Variants in LCORL observed in about 807,000 individuals in gnomAD.
LCORL encodes the protein ligand-dependent nuclear receptor corepressor-like protein.
A neutral mutation model predicts 141.8 loss-of-function variants in LCORL; 41 were observed. That is an observed-to-expected ratio of 0.29 (90% CI 0.23 to 0.38). The LOEUF (loss-of-function observed/expected upper bound fraction) is 0.38. Ranked by LOEUF, LCORL falls within the 10% of genes least tolerant of loss-of-function variation. LCORL has a pLI of 1.00. For missense variants in LCORL, 1,759 were observed against 2,035.0 expected (o/e 0.86, Z 2.61); for synonymous variants, 618 against 694.1 (o/e 0.89, Z 1.72).
chr4:17,868,306 T>C (rs1186381575), intron 7 of LCORL, among the ~76,000 whole-genome samples: 1 of 152,120 alleles, frequency 6.6e-6, no homozygotes, highest in Admixed American at 6.6e-5. Context: ...TAGAAGAAGC[T>C]GACAAACTTT....
intron 7 of LCORL, among the ~76,000 whole-genome samples, chr4:17,850,614 A>G (rs2109098610): frequency 6.6e-6 from 1 of 152,256 alleles, no homozygotes; most frequent in Non-Finnish European, 1.5e-5. Flanking sequence ...CGATCATTAA[A>G]AAGTCAGGAA....
chr4:17,876,461 T>G, exon 7 of LCORL: 1 of 1,230,914 alleles, frequency 8.1e-7, no homozygotes, highest in Non-Finnish European at 1.0e-6. Flanking sequence ...CTATACTTAT[T>G]GTATCTTCCA....
intron 1 of LCORL, among the ~76,000 whole-genome samples, chr4:17,981,923 A>G (rs879755640): frequency 1.3e-5 from 2 of 152,030 alleles, no homozygotes; most frequent in Non-Finnish European, 2.9e-5. Context: ...AGCAGGTCCC[A>G]ATGTCTGTTG....
intron 6 of LCORL, chr4:17,883,670 G>A (rs773411696): frequency 2.0e-5 from 25 of 1,236,516 alleles, no homozygotes; most frequent in Middle Eastern, 2.7e-4. Flanking sequence ...ACACACACAC[G>A]CAAACACACA....
intron 1 of LCORL, among the ~76,000 whole-genome samples, chr4:17,986,715 C>G (rs950267104): frequency 6.6e-6 from 1 of 151,972 alleles, no homozygotes; most frequent in Non-Finnish European, 1.5e-5. Flanking sequence ...TTGCTGTTCT[C>G]CCGAATCTCA....
intron 4 of LCORL, chr4:17,960,165 A>G (rs2109590860): frequency 6.5e-6 from 1 of 154,414 alleles, no homozygotes; most frequent in East Asian, 1.9e-4. Flanking sequence ...TAAAGCAAAA[A>G]CACTAAGAAG....
intron 5 of LCORL, among the ~76,000 whole-genome samples, chr4:17,901,619 A>C (rs1730896057): frequency 6.6e-6 from 1 of 152,128 alleles, no homozygotes; most frequent in Admixed American, 6.6e-5. Context: ...CACTCAATAT[A>C]GCTGTAAGTG....
chr4:17,886,483 G>A (rs1476844456), intron 5 of LCORL, among the ~76,000 whole-genome samples: 1 of 152,024 alleles, frequency 6.6e-6, no homozygotes, highest in Non-Finnish European at 1.5e-5. Context: ...ATTCATGACT[G>A]TTTTCCATTC....
chr4:17,939,448 GC>G (rs1263804264), intron 4 of LCORL, among the ~76,000 whole-genome samples: 1 of 152,000 alleles, frequency 6.6e-6, no homozygotes, highest in Non-Finnish European at 1.5e-5. Flanking sequence ...CCATAACCCA[GC>G]AATTCTACTC....
chr4:17,959,858 A>C (rs566420237), intron 4 of LCORL, among the ~76,000 whole-genome samples: 8 of 152,270 alleles, frequency 5.3e-5, no homozygotes, highest in African/African-American at 1.9e-4. Flanking sequence ...ACGTCATAAT[A>C]CTACTCCAAA....
intron 4 of LCORL, among the ~76,000 whole-genome samples, chr4:17,936,446 C>A (rs1736878899): frequency 1.3e-5 from 2 of 151,564 alleles, no homozygotes; most frequent in African/African-American, 4.8e-5. Flanking sequence ...GCGTAGAACA[C>A]TGGTTTTCCC....
At chr4:17,874,802 T>C in exon 7 of LCORL, 1 of 1,233,868 alleles carries the variant, frequency 8.1e-7, no homozygotes, top group Non-Finnish European at 1.0e-6. Flanking sequence ...AACACTTTTT[T>C]GCATTCCGCG....
At chr4:17,938,106 A>C (rs1737178877) in intron 4 of LCORL, among the ~76,000 whole-genome samples, 1 of 150,920 alleles carries the variant, frequency 6.6e-6, no homozygotes, top group Non-Finnish European at 1.5e-5. Context: ...CCTGGGTTCA[A>C]GCAATTCTCC....
chr4:17,915,878 T>C (rs1733320023), intron 4 of LCORL, among the ~76,000 whole-genome samples: 1 of 152,190 alleles, frequency 6.6e-6, no homozygotes, highest in African/African-American at 2.4e-5. Context: ...CCTCTAAATC[T>C]CATGTTAAAA....
intron 5 of LCORL, among the ~76,000 whole-genome samples, chr4:17,889,604 C>T (rs1728796660): frequency 1.3e-5 from 2 of 151,908 alleles, no homozygotes; most frequent in Admixed American, 1.3e-4. Context: ...TAGCATGATT[C>T]CCTTTTCTTC....
chr4:17,954,847 G>A (rs1397370688), intron 4 of LCORL, among the ~76,000 whole-genome samples: 1 of 152,186 alleles, frequency 6.6e-6, no homozygotes, highest in Non-Finnish European at 1.5e-5. Flanking sequence ...GGAAAAAGCT[G>A]GGGAAGGGAA....
At chr4:17,940,013 TATATGCATATATACACC>T in intron 4 of LCORL, among the ~76,000 whole-genome samples, 1 of 149,724 alleles carries the variant, frequency 6.7e-6, no homozygotes, top group African/African-American at 2.4e-5. Flanking sequence ...CTATATGGTA[TATATGCATATATACACC>T]ATATGCATAT....
At chr4:17,876,690 C>A in exon 7 of LCORL, 1 of 1,230,660 alleles carries the variant, frequency 8.1e-7, no homozygotes, top group Non-Finnish European at 1.0e-6. Flanking sequence ...GCTCAAAAGT[C>A]CAGAAACATC....
In LCORL at chr4:17,853,049, A is replaced by ATT. The variant is rs67695626; in HGVS notation, c.5603-7150_5603-7149dup. ...TACCAGGCAGTGTGCTAAAAGCTTG[A>ATT]TTTTTTTTTTTTTTTTTTTTTTTAA... On this transcript the variant is annotated intron_variant, in intron 7 of 7. Transcript: ENST00000635767. 2.8e-3 allele frequency among the ~76,000 whole-genome samples: 356 copies of ATT among 125,148 alleles called. 2 individuals are homozygous for ATT. Among genetic ancestry groups the ATT allele is most frequent in the African/African-American group, 8.7e-3 (301 of 34,610 alleles). The allele number at this position is 125,148 out of a possible 152,430, so 82.1% of individuals were successfully genotyped here. A position where few individuals can be genotyped will look rare whatever the true frequency, so the allele number is the denominator to read the frequency against.
Sources: allele counts gnomAD v4.1 joint callset (sites outside exome capture counted in the v4.1 genomes callset), GRCh38; gene constraint gnomAD v4.1.1; transcripts MANE v1.5; gene names NCBI Gene and HGNC (gene_info 2026-07-23, HGNC 2026-07-21).